Variants in CAMTA1 observed in about 807,000 individuals in gnomAD.
The protein encoded by CAMTA1 is calmodulin-binding transcription activator 1.
Under a neutral mutation model 170.9 loss-of-function variants are expected in CAMTA1, and 27 were observed. The ratio of observed to expected loss-of-function variants is 0.16; its 90% confidence interval spans 0.12 to 0.22. CAMTA1 has a LOEUF of 0.22. Ranked by LOEUF, CAMTA1 falls within the 10% of genes least tolerant of loss-of-function variation. The pLI, the probability that CAMTA1 is intolerant of heterozygous loss-of-function variation, is 1.00. For missense variants in CAMTA1, 1,619 were observed against 2,217.2 expected, an observed-to-expected ratio of 0.73 and a Z score of 5.42; for synonymous variants, 833 against 891.5, an observed-to-expected ratio of 0.93 and a Z score of 1.17.
intron 3 of CAMTA1, among the ~76,000 whole-genome samples, chr1:6,975,465 C>T (rs183429951): frequency 1.1e-4 from 16 of 152,222 alleles, no homozygotes; most frequent in African/African-American, 3.6e-4. Context: ...CCAGGAGGGA[C>T]GGTCATCGTT....
rs66934266 is a variant in CAMTA1 at position 7,230,432 on chromosome 1, ACCCC to A, written c.303-19050_303-19047del. On this transcript the variant is annotated intron_variant, in intron 4 of 22. Coordinates refer to ENST00000303635, the MANE Select transcript of CAMTA1 (RefSeq NM_015215.4). ...TTGGCTGGGCTGCTGCTCTGGGCTG[ACCCC>A]CCCCCCCCGCCCCGCAAAGCTCTGT... Among the ~76,000 whole-genome samples, 154 of 38,256 alleles carry A rather than the reference ACCCC, an allele frequency of 4.0e-3. 25 individuals are homozygous for A. Among genetic ancestry groups the A allele is most frequent in the African/African-American group, 0.025 (148 of 5,868 alleles). 25.1% of individuals were successfully genotyped at this position (38,256 alleles called of 152,430 possible). A position where few individuals can be genotyped will look rare whatever the true frequency, so the allele number is the denominator to read the frequency against.
At chr1:6,880,388 T>G (rs1671209336) in intron 3 of CAMTA1, among the ~76,000 whole-genome samples, 1 of 143,234 alleles carries the variant, frequency 7.0e-6, no homozygotes, top group Non-Finnish European at 1.5e-5. Context: ...AAAGTGTTTT[T>G]TTTTTTTTTT....
chr1:7,254,038 AG>A (rs1667001962), intron 5 of CAMTA1, among the ~76,000 whole-genome samples: 1 of 152,088 alleles, frequency 6.6e-6, no homozygotes, highest in South Asian at 2.1e-4. Context: ...GGGATGCAGG[AG>A]GGGAACCTGA....
At chr1:7,060,521 C>T (rs967548151) in intron 3 of CAMTA1, among the ~76,000 whole-genome samples, 1 of 152,312 alleles carries the variant, frequency 6.6e-6, no homozygotes, top group South Asian at 2.1e-4. Flanking sequence ...ACACATTTTG[C>T]GGGGGACACA....
intron 3 of CAMTA1, among the ~76,000 whole-genome samples, chr1:6,948,766 AGCTCAGAAATG>A (rs1687972207): frequency 6.6e-6 from 1 of 152,324 alleles, no homozygotes; most frequent in African/African-American, 2.4e-5. Flanking sequence ...CCATGTACTC[AGCTCAGAAATG>A]GCAGGGTCTC....
At chr1:6,926,805 A>T (rs72638540) in intron 3 of CAMTA1, among the ~76,000 whole-genome samples, 1 of 149,486 alleles carries the variant, frequency 6.7e-6, no homozygotes, top group Non-Finnish European at 1.5e-5. Context: ...ATTGCAGCTC[A>T]CTGCAGCCTT....
chr1:6,901,346 G>A (rs1009210122), intron 3 of CAMTA1, among the ~76,000 whole-genome samples: 17 of 152,106 alleles, frequency 1.1e-4, no homozygotes, highest in African/African-American at 3.9e-4. Flanking sequence ...ATTAGATATG[G>A]CACCAATTGT....
At chr1:7,204,805 GTTTCTTTTTTTTTTTTCTTTTTTTCT>G (rs1359959561) in intron 4 of CAMTA1, among the ~76,000 whole-genome samples, 2 of 109,128 alleles carry the variant, frequency 1.8e-5, no homozygotes, top group African/African-American at 6.4e-5. Flanking sequence ...TTGGGTCAGA[GTTTCTTTTTTTTTTTTCTTTTTTTCT>G]TTTTTTTTTT....
rs576942967 is a variant in CAMTA1 at position 7,601,264 on chromosome 1, C to T, written c.511-39136C>T. The stretch of plus-strand genomic sequence containing the variant: ...GCGGAGGGGCTCCTCACTTCTCAGA[C>T]GGGGCGGTTGCCAGGCAGAGGGTCT... On this transcript the variant is annotated intron_variant, in intron 6 of 22. Coordinates refer to ENST00000303635, the MANE Select transcript of CAMTA1 (RefSeq NM_015215.4). Among the ~76,000 whole-genome samples, 1,345 of 151,654 alleles carry T rather than the reference C, an allele frequency of 8.9e-3. 10 individuals carry two copies. Among genetic ancestry groups the T allele is most frequent in the Non-Finnish European group, 0.014 (918 of 67,898 alleles).
intron 5 of CAMTA1, among the ~76,000 whole-genome samples, chr1:7,315,600 G>T: frequency 6.6e-6 from 1 of 152,160 alleles, no homozygotes; most frequent in Non-Finnish European, 1.5e-5. Context: ...CCTTGTTTTT[G>T]TGTCCTGAGG....
At chr1:7,334,811 CT>C (rs1211253097) in intron 5 of CAMTA1, among the ~76,000 whole-genome samples, 3 of 152,142 alleles carry the variant, frequency 2.0e-5, no homozygotes, top group African/African-American at 7.2e-5. Flanking sequence ...CCAGCAGAAT[CT>C]GAGAGCCAGC....
intron 6 of CAMTA1, among the ~76,000 whole-genome samples, chr1:7,602,093 T>C (rs2095450019): frequency 9.7e-6 from 1 of 102,716 alleles, no homozygotes; most frequent in Admixed American, 9.0e-5. Flanking sequence ...CCTTCCTTCC[T>C]TCCTTCCTTC....
chr1:7,182,593 T>C (rs1230433871), intron 4 of CAMTA1, among the ~76,000 whole-genome samples: 1 of 151,210 alleles, frequency 6.6e-6, no homozygotes, highest in Non-Finnish European at 1.5e-5. Context: ...AAAATCCAGA[T>C]GTAGTTAAAG....
At chr1:7,262,019 G>A (rs373126357) in intron 5 of CAMTA1, among the ~76,000 whole-genome samples, 2 of 152,222 alleles carry the variant, frequency 1.3e-5, no homozygotes, top group East Asian at 3.8e-4. Context: ...TTTATATGAT[G>A]TGGTGCCCTC....
chr1:7,731,398 C>A (rs943449653), intron 11 of CAMTA1, among the ~76,000 whole-genome samples: 1 of 151,798 alleles, frequency 6.6e-6, no homozygotes, highest in Non-Finnish European at 1.5e-5. Context: ...GTAGTGAAAC[C>A]CCGCCTCTAC....
chr1:7,554,593 C>A (rs560277322), intron 6 of CAMTA1, among the ~76,000 whole-genome samples: 1 of 152,308 alleles, frequency 6.6e-6, no homozygotes, highest in African/African-American at 2.4e-5. Context: ...GCTCTTGCCC[C>A]CTCCTGTCAC....
chr1:7,403,741 T>C (rs2090087195), intron 5 of CAMTA1, among the ~76,000 whole-genome samples: 1 of 152,188 alleles, frequency 6.6e-6, no homozygotes, highest in Non-Finnish European at 1.5e-5. Context: ...AGAACCTGGT[T>C]GATCTGGCAT....
chr1:7,071,536 C>G (rs1302457601), intron 3 of CAMTA1, among the ~76,000 whole-genome samples: 1 of 152,070 alleles, frequency 6.6e-6, no homozygotes, highest in African/African-American at 2.4e-5. Flanking sequence ...TATAGTTTTA[C>G]AAGGTGATGT....
At chr1:7,531,903 C>G (rs550477161) in intron 6 of CAMTA1, among the ~76,000 whole-genome samples, 1 of 152,192 alleles carries the variant, frequency 6.6e-6, no homozygotes, top group Admixed American at 6.5e-5. Context: ...GGCCACAGAA[C>G]CTTTGGGCTG....
Sources: allele counts gnomAD v4.1 joint callset (sites outside exome capture counted in the v4.1 genomes callset), GRCh38; gene constraint gnomAD v4.1.1; transcripts MANE v1.5; gene names NCBI Gene and HGNC (gene_info 2026-07-23, HGNC 2026-07-21).